The following CFAP99 variants were observed in gnomAD, a reference collection of about 807,000 sequenced individuals.
CFAP99 encodes cilia and flagella associated protein 99.
Under a neutral mutation model 82.7 loss-of-function variants are expected in CFAP99, and 84 were observed. The ratio of observed to expected loss-of-function variants is 1.02; its 90% CI spans 0.85 to 1.22. The LOEUF (loss-of-function observed/expected upper bound fraction) is 1.22, where lower values mean the gene tolerates loss of function less well. Among genes scored for constraint, CFAP99 ranks in the 50% most tolerant of loss-of-function variants. The pLI is 0.00. For missense variants in CFAP99, 1,059 were observed against 983.5 expected, an observed-to-expected ratio of 1.08 and a Z score of -1.03; for synonymous variants, 456 against 429.5, an observed-to-expected ratio of 1.06 and a Z score of -0.76.
chr4:2,462,986 A>C, downstream of CFAP99: 11 of 968,784 alleles, frequency 1.1e-5, no homozygotes, highest in Non-Finnish European at 1.3e-5. The surrounding 1 kb of genome is among the most constrained non-coding windows in gnomAD (Gnocchi z 4.1). Flanking sequence ...CGCCCCAATA[A>C]AGAGTGCGGC....
chr4:2,444,113 G>C (rs1282580562), intron 5 of CFAP99, among the ~76,000 whole-genome samples: 1 of 152,146 alleles, frequency 6.6e-6, no homozygotes, highest in East Asian at 1.9e-4. Context: ...CCAAGGGGAA[G>C]TCCCCAGTCC....
rs1030973311 is a variant in CFAP99, at chr4:2,458,760, T to A, written c.1199T>A (p.Leu400His). 2.6e-6 allele frequency: 4 copies of A among 1,535,504 alleles called. No homozygotes were observed. The highest frequency in any genetic ancestry group is 3.5e-6 in the Non-Finnish European group (4 of 1,146,808). ...ATGCTGCAGCGTGCAGAGAGACGGC[T>A]CCGGGAGGACAGGTCCAGGAAGGAG... Residue 400 changes from leucine (L) to histidine (H), a missense_variant, in exon 12 of 15, where the codon CTC becomes CAC. Leu to His is a moderately conservative substitution (Grantham distance 99). Coordinates refer to ENST00000635017, the Ensembl canonical transcript of CFAP99.
intron 11 of CFAP99, among the ~76,000 whole-genome samples, chr4:2,456,044 A>G (rs1211556781): frequency 6.6e-6 from 1 of 152,150 alleles, no homozygotes; most frequent in Admixed American, 6.5e-5. Flanking sequence ...CATTGAGAGG[A>G]GAGATGTTTG....
chr4:2,432,202 C>T (rs1733814308), intron 2 of CFAP99, among the ~76,000 whole-genome samples: 1 of 152,198 alleles, frequency 6.6e-6, no homozygotes, highest in African/African-American at 2.4e-5. Context: ...CTACCTCCAG[C>T]ATTGCATCTA....
intron 1 of CFAP99, among the ~76,000 whole-genome samples, chr4:2,420,717 A>G (rs2108704859): frequency 6.6e-6 from 1 of 152,316 alleles, no homozygotes; most frequent in African/African-American, 2.4e-5. Flanking sequence ...TTTATAAAAG[A>G]GGTCCATGGA....
chr4:2,446,368 G>GTTATTATTA lies in CFAP99; in HGVS notation c.642+1093_642+1101dup, dbSNP rs146154713. Reference sequence around the variant, plus strand: ...CTTTTTATTTCATTTTATTATTGTTGTTATTATTATTATTATTATTATTAT... The same window carrying GTTATTATTA: ...CTTTTTATTTCATTTTATTATTGTTGTTATTATTATTATTATTATTATTATTATTATTAT... On this transcript the variant is annotated intron_variant, in intron 6 of 14. Coordinates refer to ENST00000635017, the Ensembl canonical transcript of CFAP99. The surrounding 1 kb of genome is among the most constrained non-coding windows in gnomAD (Gnocchi z 5.0). 5.8e-3 allele frequency among the ~76,000 whole-genome samples: 862 copies of GTTATTATTA among 148,478 alleles called. 8 individuals are homozygous for GTTATTATTA. The highest frequency in any genetic ancestry group is 0.018 in the African/African-American group (712 of 40,088).
At chr4:2,458,550 C>T (rs954138595) in intron 11 of CFAP99, among the ~76,000 whole-genome samples, 173 bp from the exon 12 acceptor site, 5 of 152,198 alleles carry the variant, frequency 3.3e-5, no homozygotes, top group Non-Finnish European at 7.3e-5. Context: ...CCCGCAGGCC[C>T]AACTTCCAGA....
chr4:2,443,157 C>A, exon 5 of CFAP99: 3 of 1,535,640 alleles, frequency 2.0e-6, no homozygotes, highest in Non-Finnish European at 2.6e-6. Context: ...CAACCCCCTG[C>A]ACCTGTGCTC....
rs774313416 is a variant in CFAP99 at position 2,445,290 on chromosome 4, C to T, written c.624C>T (p.Val208=). The change falls in exon 6 of 15, where the codon GTC becomes GTT. Residue 208 remains valine (V), a synonymous_variant. Coordinates refer to ENST00000635017, the Ensembl canonical transcript of CFAP99. ...TTCCAGCGCCCGAACCAGTCCCGGTCGTGGCCAAGCCGAGACCCGTGAGTG... is the reference window on the plus strand; with the variant it reads ...TTCCAGCGCCCGAACCAGTCCCGGTTGTGGCCAAGCCGAGACCCGTGAGTG... The T allele has an allele frequency of 2.8e-5, 38 of 1,363,368 alleles. No homozygotes were observed. The East Asian group carries it at 8.3e-4, about 30-fold the overall frequency. The allele number at this position is 1,363,368 out of a possible 1,614,324, so 84.5% of individuals were successfully genotyped here. A position where few individuals can be genotyped will look rare whatever the true frequency, so the allele number is the denominator to read the frequency against.
chr4:2,425,366 C>T (rs1035833583), intron 1 of CFAP99, among the ~76,000 whole-genome samples: 1 of 152,200 alleles, frequency 6.6e-6, no homozygotes, highest in Non-Finnish European at 1.5e-5. Flanking sequence ...GACCCTTCAG[C>T]ACGGCCAGGA....
At position 2,451,332 on chromosome 4, in the gene CFAP99, G is replaced by GA; in HGVS notation, c.936_937insA (p.Val313SerfsTer9). 6.5e-7 allele frequency: 1 copy of GA among 1,535,822 alleles called. No homozygotes were observed. The highest frequency in any genetic ancestry group is 8.7e-7 in the Non-Finnish European group (1 of 1,146,860). ...GAGAAGGGGCCTTGTACCAGCGGCA[G>GA]GTGGAGCAGGAGCTGCAGAGGTGAA... On this transcript the variant is annotated frameshift_variant, in exon 10 of 15. Transcript: ENST00000635017. LOFTEE classifies it high-confidence loss of function.
At position 2,459,098 on chromosome 4, in the gene CFAP99, GCCC is replaced by G. The variant is rs1734509506; in HGVS notation, c.1304-6_1304-4del. The G allele has an allele frequency of 1.3e-6, 2 of 1,503,714 alleles. No individual in the cohort carries two copies. The highest frequency in any genetic ancestry group is 1.8e-6 in the Non-Finnish European group (2 of 1,129,162). 93.1% of individuals were successfully genotyped at this position (1,503,714 alleles called of 1,614,324 possible). A position where few individuals can be genotyped will look rare whatever the true frequency, so the allele number is the denominator to read the frequency against. On this transcript the variant is annotated splice_polypyrimidine_tract_variant and splice_region_variant and intron_variant, in intron 12 of 14. Coordinates refer to ENST00000635017, the Ensembl canonical transcript of CFAP99. ...ACCAGCCACCTCAGCTCCTGGCTTG[GCCC>G]CCAAGTTCAGGAGGCGATCGAGGAG...
exon 11 of CFAP99, chr4:2,452,221 G>A (rs983420537): frequency 6.5e-7 from 1 of 1,536,164 alleles, no homozygotes; most frequent in Non-Finnish European, 8.7e-7. Context: ...GAAGGACCGG[G>A]AGGAGCAGCT....
intron 11 of CFAP99, 38 bp from the exon 12 acceptor site, chr4:2,458,685 C>T (rs1386877333): frequency 6.6e-7 from 1 of 1,513,290 alleles, no homozygotes. Flanking sequence ...GAAGCCGGAG[C>T]AGCCCCACTC....
intron 4 of CFAP99, among the ~76,000 whole-genome samples, chr4:2,440,185 C>T (rs548224813): frequency 3.1e-4 from 38 of 121,458 alleles, no homozygotes; most frequent in Non-Finnish European, 5.1e-4. Context: ...CTCGCTCTGT[C>T]GCCCAGGCTG....
chr4:2,455,464 G>A (rs1734406518), intron 11 of CFAP99, among the ~76,000 whole-genome samples: 1 of 152,186 alleles, frequency 6.6e-6, no homozygotes, highest in Admixed American at 6.5e-5. Context: ...CCTGAGGTCA[G>A]GCATTCAAGA....
intron 11 of CFAP99, among the ~76,000 whole-genome samples, chr4:2,457,419 A>AGCCAGTGCGAGCC (rs1734463220): frequency 1.3e-5 from 2 of 152,242 alleles, no homozygotes; most frequent in Admixed American, 1.3e-4. Flanking sequence ...CTCAGCGAGC[A>AGCCAGTGCGAGCC]GCCAGTGCGA....
At chr4:2,456,773 C>T (rs904589762) in intron 11 of CFAP99, among the ~76,000 whole-genome samples, 4 of 152,034 alleles carry the variant, frequency 2.6e-5, no homozygotes, top group Non-Finnish European at 5.9e-5. Flanking sequence ...CCTGCCTCGG[C>T]CTCCCAAAGT....
chr4:2,419,157 C>T (rs1733465287), intron 1 of CFAP99, 64 bp downstream of exon 1: 1 of 152,132 alleles, frequency 6.6e-6, no homozygotes, highest in Admixed American at 6.5e-5. Context: ...CGGCCGGTTC[C>T]CTCTCGCTCG....
Sources: gnomAD v4.1 joint callset for allele counts (sites outside exome capture counted in the v4.1 genomes callset) on GRCh38, gnomAD v4.1.1 for gene constraint, Gnocchi (gnomAD v3.1) non-coding constraint, MANE v1.5 for transcripts, NCBI Gene and HGNC (gene_info 2026-07-23, HGNC 2026-07-21) for gene names.